Variants in EXOC4 observed in about 807,000 individuals in gnomAD.
EXOC4 encodes exocyst complex component 4, also known as SEC8-like 1.
A neutral mutation model predicts 107.2 loss-of-function variants in EXOC4; 71 were observed. The ratio of observed to expected loss-of-function variants is 0.66; its 90% confidence interval spans 0.55 to 0.81. The LOEUF (loss-of-function observed/expected upper bound fraction) is 0.81, where lower values mean the gene tolerates loss of function less well. Among genes scored for constraint, EXOC4 ranks in the 30% least tolerant of loss-of-function variants. The pLI, the probability that EXOC4 is intolerant of heterozygous loss-of-function variation, is 0.00. For missense variants in EXOC4, 1,108 were observed against 1,189.6 expected (o/e 0.93, Z 1.01); for synonymous variants, 456 against 441.2 (o/e 1.03, Z -0.42).
chr7:133,940,078 T>C (rs1269763790), intron 14 of EXOC4, among the ~76,000 whole-genome samples: 1 of 152,218 alleles, frequency 6.6e-6, no homozygotes, highest in Non-Finnish European at 1.5e-5. Flanking sequence ...TCATTTAGTA[T>C]GTCATTAGCA....
chr7:133,613,138 AG>A (rs1802111164), intron 9 of EXOC4, among the ~76,000 whole-genome samples: 1 of 152,210 alleles, frequency 6.6e-6, no homozygotes, highest in South Asian at 2.1e-4. Flanking sequence ...TATTGATATT[AG>A]TCTATTTTTA....
At chr7:133,963,400 T>G (rs918535594) in intron 14 of EXOC4, among the ~76,000 whole-genome samples, 1 of 152,232 alleles carries the variant, frequency 6.6e-6, no homozygotes, top group Admixed American at 6.5e-5. Context: ...CTAGAAAATC[T>G]ATTCCACAGT....
At chr7:133,879,116 T>A (rs1261238249) in intron 11 of EXOC4, among the ~76,000 whole-genome samples, 1 of 152,150 alleles carries the variant, frequency 6.6e-6, no homozygotes, top group African/African-American at 2.4e-5. Flanking sequence ...TTTTATTTAT[T>A]TTTTTGAGAC....
At chr7:133,975,608 A>AC (rs1793813926) in intron 14 of EXOC4, among the ~76,000 whole-genome samples, 1 of 152,126 alleles carries the variant, frequency 6.6e-6, no homozygotes, top group Non-Finnish European at 1.5e-5. Context: ...GTGAATAGAA[A>AC]CCTATCAAAG....
chr7:133,934,005 A>G (rs1800240485), intron 13 of EXOC4, among the ~76,000 whole-genome samples: 2 of 152,072 alleles, frequency 1.3e-5, no homozygotes, highest in Non-Finnish European at 2.9e-5. Context: ...ATATTTATTT[A>G]TTTTCTTAAT....
chr7:133,697,811 GC>G lies in EXOC4; in HGVS notation c.1514+67672del, dbSNP rs1339619502. Among the ~76,000 whole-genome samples the G allele has an allele frequency of 3.9e-5, 6 of 152,332 alleles. No individual in the cohort carries two copies. The East Asian group carries it at 1.2e-3, about 29-fold the overall frequency. On this transcript the variant is annotated intron_variant, in intron 10 of 17. Transcript: ENST00000253861. Reference sequence around the variant, plus strand: ...TTGATAGGACCACTGTTGAAGGCATGCCAGATGATAAGTTATCCACGGTGGT... The same window carrying G: ...TTGATAGGACCACTGTTGAAGGCATGCAGATGATAAGTTATCCACGGTGGT...
At chr7:134,003,266 T>C (rs1464390988) in intron 15 of EXOC4, among the ~76,000 whole-genome samples, 1 of 151,976 alleles carries the variant, frequency 6.6e-6, no homozygotes, top group Non-Finnish European at 1.5e-5. Context: ...GGCAGAAAAA[T>C]AGATGAGTGG....
At chr7:133,869,491 G>C (rs376648684) in intron 11 of EXOC4, among the ~76,000 whole-genome samples, 1 of 152,110 alleles carries the variant, frequency 6.6e-6, no homozygotes, top group Admixed American at 6.6e-5. Flanking sequence ...CATGGAGGAG[G>C]TATTTAATAA....
chr7:134,067,632 T>TACACACAC (rs1177750777), downstream of EXOC4, among the ~76,000 whole-genome samples: 5,646 of 98,060 alleles, frequency 0.058, 182 homozygotes, highest in African/African-American at 0.076. Context: ...CTCTTATATA[T>TACACACAC]ATATATACAC....
At chr7:133,567,639 T>C (rs956547423) in intron 9 of EXOC4, among the ~76,000 whole-genome samples, 1 of 152,144 alleles carries the variant, frequency 6.6e-6, no homozygotes, top group Non-Finnish European at 1.5e-5. Flanking sequence ...CAGAATATCA[T>C]AGACTGGATA....
At chr7:133,712,516 A>ATGTATG (rs1794916320) in intron 10 of EXOC4, among the ~76,000 whole-genome samples, 1 of 150,690 alleles carries the variant, frequency 6.6e-6, no homozygotes, top group African/African-American at 2.4e-5. Context: ...AAAGGGTTCC[A>ATGTATG]CCATGATGCA....
At chr7:134,028,501 CTG>C (rs1795196315) in intron 17 of EXOC4, among the ~76,000 whole-genome samples, 1 of 152,168 alleles carries the variant, frequency 6.6e-6, no homozygotes, top group Non-Finnish European at 1.5e-5. Flanking sequence ...ATGTGGGAAA[CTG>C]TTCCTGCTGC....
At chr7:133,313,471 A>G (rs1420617231) in intron 4 of EXOC4, among the ~76,000 whole-genome samples, 1 of 152,172 alleles carries the variant, frequency 6.6e-6, no homozygotes, top group Non-Finnish European at 1.5e-5. Context: ...TTCTGGCTAT[A>G]TAAGTGAATA....
At chr7:133,451,207 T>C (rs995516124) in intron 7 of EXOC4, among the ~76,000 whole-genome samples, 1 of 145,774 alleles carries the variant, frequency 6.9e-6, no homozygotes, top group Non-Finnish European at 1.5e-5. Context: ...AGATTTTTTT[T>C]TGGCATTGTG....
chr7:133,265,656 C>T (rs897128624), intron 1 of EXOC4, among the ~76,000 whole-genome samples: 3 of 152,102 alleles, frequency 2.0e-5, no homozygotes, highest in Non-Finnish European at 2.9e-5. Context: ...ATTAGTTTTT[C>T]TGAGTTGCTT....
At chr7:133,670,556 C>T (rs924916989) in intron 10 of EXOC4, among the ~76,000 whole-genome samples, 10 of 151,008 alleles carry the variant, frequency 6.6e-5, no homozygotes, top group Admixed American at 6.6e-4. Flanking sequence ...GGGGCATGAG[C>T]CTCCAGAAAC....
chr7:133,487,128 C>T (rs1799282949), intron 9 of EXOC4, among the ~76,000 whole-genome samples: 1 of 152,072 alleles, frequency 6.6e-6, no homozygotes, highest in Non-Finnish European at 1.5e-5. Context: ...ATAGCTGAAC[C>T]ATATGGAAGA....
In EXOC4 at chr7:133,856,916, C is replaced by T. The variant is rs370169795; in HGVS notation, c.1735-38683C>T. The stretch of plus-strand genomic sequence containing the variant: ...GAGATCGAGACCATCCTGGCTAACA[C>T]GGTGAAACCCCGTCTCTACTAAAAA... On this transcript the variant is annotated intron_variant, in intron 11 of 17. Transcript: ENST00000253861. Among the ~76,000 whole-genome samples the T allele has an allele frequency of 2.1e-4, 31 of 150,886 alleles. 2 individuals are homozygous for T. In the East Asian group the frequency reaches 5.4e-3, roughly 26 times the overall value.
intron 9 of EXOC4, among the ~76,000 whole-genome samples, chr7:133,600,925 G>A (rs1489889086): frequency 1.3e-5 from 2 of 152,114 alleles, no homozygotes; most frequent in South Asian, 2.1e-4. Context: ...TATCAACTAT[G>A]TATAGATTAT....
Sources: allele counts gnomAD v4.1 joint callset (sites outside exome capture counted in the v4.1 genomes callset), GRCh38; gene constraint gnomAD v4.1.1; transcripts MANE v1.5; gene names NCBI Gene and HGNC (gene_info 2026-07-23, HGNC 2026-07-21).